The following HDAC4 variants were observed in gnomAD, a reference collection of about 807,000 sequenced individuals.
HDAC4 encodes the protein histone deacetylase A.
A neutral mutation model predicts 135.1 loss-of-function variants in HDAC4; 16 were observed. The ratio of observed to expected loss-of-function variants is 0.12; its 90% confidence interval spans 0.08 to 0.18. HDAC4 has a LOEUF of 0.18. Among genes scored for constraint, HDAC4 ranks in the 10% least tolerant of loss-of-function variants. HDAC4 has a pLI of 1.00. For synonymous variants in HDAC4, 685 were observed against 653.4 expected, an observed-to-expected ratio of 1.05 and a Z score of -0.74; for missense variants, 1,143 against 1,511.8, an observed-to-expected ratio of 0.76 and a Z score of 4.05.
chr2:239,252,008 C>T (rs921344423), intron 2 of HDAC4, among the ~76,000 whole-genome samples: 5 of 152,188 alleles, frequency 3.3e-5, no homozygotes, highest in Non-Finnish European at 5.9e-5. Flanking sequence ...CTTTGTATTG[C>T]ATTCTATTTT....
At chr2:239,375,709 C>T (rs1276400938) in intron 1 of HDAC4, among the ~76,000 whole-genome samples, 5 of 152,196 alleles carry the variant, frequency 3.3e-5, no homozygotes, top group Admixed American at 1.3e-4. Flanking sequence ...GGTGGAAGAT[C>T]GCATGGGGAC....
intron 12 of HDAC4, among the ~76,000 whole-genome samples, chr2:239,121,069 G>A (rs1464642148): frequency 6.7e-6 from 1 of 150,284 alleles, no homozygotes; most frequent in African/African-American, 2.5e-5. Flanking sequence ...GCATTAGGCA[G>A]TCCTCCCACC....
chr2:239,133,687 G>A (rs1424291304), intron 11 of HDAC4, among the ~76,000 whole-genome samples: 1 of 152,146 alleles, frequency 6.6e-6, no homozygotes, highest in Admixed American at 6.5e-5. Context: ...GGCTGGTCTT[G>A]AACTCCTGAC....
chr2:239,059,937 C>T (rs577551187), intron 24 of HDAC4, among the ~76,000 whole-genome samples: 13 of 152,190 alleles, frequency 8.5e-5, no homozygotes, highest in Middle Eastern at 3.4e-3. Context: ...GAGAGCTCTC[C>T]GGGGGCCCTT....
At position 239,052,166 on chromosome 2, in the gene HDAC4, T is replaced by G. The variant is rs576306310; in HGVS notation, c.*931A>C. 1.3e-5 allele frequency: 2 copies of G among 152,590 alleles called. No individual in the cohort carries two copies. Among genetic ancestry groups the G allele is most frequent in the South Asian group, 4.1e-4 (2 of 4,828 alleles). The allele number at this position is 152,590 out of a possible 1,614,324, so 9.5% of individuals were successfully genotyped here. A position where few individuals can be genotyped will look rare whatever the true frequency, so the allele number is the denominator to read the frequency against. ...AAACCTCCAACGGGATTTGCCACTT[T>G]TTTGGAACTACCTCCATTTTTCTTA... is the stretch of plus-strand genomic sequence containing the variant. On this transcript the variant is annotated 3_prime_UTR_variant, in exon 27 of 27. Coordinates refer to ENST00000543185, the MANE Select transcript of HDAC4 (RefSeq NM_001378414.1).
At chr2:239,401,031 C>T (rs577946142), upstream of HDAC4, 1 of 152,696 alleles carries the variant, frequency 6.5e-6, no homozygotes, top group African/African-American at 2.4e-5. Context: ...GGCGATAGGC[C>T]ACCCCGCACG....
At chr2:239,334,094 A>G (rs1403429885) in intron 2 of HDAC4, among the ~76,000 whole-genome samples, 1 of 152,230 alleles carries the variant, frequency 6.6e-6, no homozygotes, top group African/African-American at 2.4e-5. Flanking sequence ...TAATGAGTAT[A>G]ATAATAAACA....
chr2:239,397,378 C>T (rs1202609442), intron 1 of HDAC4, among the ~76,000 whole-genome samples: 1 of 152,170 alleles, frequency 6.6e-6, no homozygotes, highest in Admixed American at 6.5e-5. Flanking sequence ...GCTCATCTGG[C>T]GTCAGCTACG....
Position 239,308,209 on chromosome 2 carries a change from C to G in HDAC4, c.22+44469G>C, listed in dbSNP as rs2052700632. Among the ~76,000 whole-genome samples, 1 of 152,116 alleles carries G rather than the reference C, an allele frequency of 6.6e-6. No individual in the cohort carries two copies. The highest frequency in any genetic ancestry group is 1.5e-5 in the Non-Finnish European group (1 of 68,002). ...GCAGGAAGCCCTCCTTGACGATGAG[C>G]TATCAGCTTAGGGACAAGAGAGCTA... On this transcript the variant is annotated intron_variant, in intron 2 of 26. Coordinates refer to ENST00000543185, the MANE Select transcript of HDAC4 (RefSeq NM_001378414.1). This position sits in a 1 kb window ranked among gnomAD's most constrained non-coding sequence, Gnocchi z 4.2.
chr2:239,067,003 T>C (rs978826421), intron 23 of HDAC4, 148 bp from the exon 24 acceptor site: 21 of 931,352 alleles, frequency 2.3e-5, no homozygotes, highest in Non-Finnish European at 3.2e-5. Context: ...ATAAATTCGC[T>C]GAAGAGTTTC....
chr2:239,088,223 G>A (rs573304332), intron 18 of HDAC4, among the ~76,000 whole-genome samples: 3 of 152,378 alleles, frequency 2.0e-5, no homozygotes, highest in Non-Finnish European at 4.4e-5. Context: ...CCACTCTGTA[G>A]TTGCTGCCAT....
chr2:239,190,881 G>T, intron 3 of HDAC4: 1 of 440,852 alleles, frequency 2.3e-6, no homozygotes. Flanking sequence ...AGGAAGAAGG[G>T]TAGGTTTAAA....
intron 22 of HDAC4, among the ~76,000 whole-genome samples, chr2:239,069,495 G>A (rs373610865): frequency 8.8e-6 from 1 of 113,198 alleles, no homozygotes; most frequent in Non-Finnish European, 1.9e-5. Flanking sequence ...ACACTTGCTT[G>A]GTGAGAGGGA....
intron 17 of HDAC4, chr2:239,094,114 T>C (rs1574998381): frequency 1.0e-6 from 1 of 985,440 alleles, no homozygotes; most frequent in Non-Finnish European, 1.2e-6. Context: ...CAGCGGCTCC[T>C]GCTGTCCACC....
At chr2:239,372,330 C>A (rs1364495776) in intron 1 of HDAC4, among the ~76,000 whole-genome samples, 1 of 152,226 alleles carries the variant, frequency 6.6e-6, no homozygotes, top group Non-Finnish European at 1.5e-5. Context: ...CTTACTCCTG[C>A]CTTTAAGAAG....
chr2:239,276,025 C>A (rs150023170), intron 2 of HDAC4, among the ~76,000 whole-genome samples: 11 of 152,248 alleles, frequency 7.2e-5, no homozygotes, highest in African/African-American at 2.2e-4. Flanking sequence ...TCTGAGCCAG[C>A]GCAGGCCAGG....
chr2:239,113,930 C>G (rs1371772983), intron 13 of HDAC4, among the ~76,000 whole-genome samples: 1 of 151,832 alleles, frequency 6.6e-6, no homozygotes, highest in African/African-American at 2.4e-5. Context: ...ACAGGCCCCC[C>G]TCTGAACAAG....
chr2:239,328,564 G>A (rs898267661), intron 2 of HDAC4, among the ~76,000 whole-genome samples: 3 of 152,166 alleles, frequency 2.0e-5, no homozygotes, highest in Non-Finnish European at 4.4e-5. Flanking sequence ...TACTCCCAAC[G>A]AGGAAAACAT....
At position 239,236,630 on chromosome 2, in the gene HDAC4, C is replaced by T; in HGVS notation, c.57G>A (p.Leu19=). The change falls in exon 3 of 27, where the codon CTG becomes CTA. Residue 19 remains leucine, a synonymous_variant. Coordinates refer to ENST00000543185, the MANE Select transcript of HDAC4 (RefSeq NM_001378414.1). Reference sequence around the variant, plus strand: ...TGTGGTTCACGCGGGCAGGATTCAGCAGCTCCACTGGCTGGTCTCGGCCAG... The same window carrying T: ...TGTGGTTCACGCGGGCAGGATTCAGTAGCTCCACTGGCTGGTCTCGGCCAG... ...GLSGRDQPVE[L]LNPARVNHMP... 1.3e-6 allele frequency: 2 copies of T among 1,551,802 alleles called. No individual in the cohort carries two copies. The highest frequency in any genetic ancestry group is 1.7e-6 in the Non-Finnish European group (2 of 1,147,002).
Sources: allele counts gnomAD v4.1 joint callset (sites outside exome capture counted in the v4.1 genomes callset), GRCh38; gene constraint gnomAD v4.1.1; non-coding constraint Gnocchi (gnomAD v3.1); transcripts MANE v1.5; gene names NCBI Gene and HGNC (gene_info 2026-07-23, HGNC 2026-07-21).